PRKN: variants seen among roughly 807,000 people sequenced by gnomAD.
PRKN encodes the protein E3 ubiquitin-protein ligase parkin.
PRKN carries 56 observed loss-of-function variants against 59.5 expected under a neutral mutation model. The observed-to-expected ratio is 0.94, with a 90% confidence interval of 0.76 to 1.18. The LOEUF (loss-of-function observed/expected upper bound fraction) is 1.18, where lower values mean the gene tolerates loss of function less well. Ranked by LOEUF, PRKN falls within the 50% of genes most tolerant of loss-of-function variation. The probability of loss-of-function intolerance (pLI) is 0.00; values close to 1 mark genes in which losing one functional copy is unlikely to be tolerated. For missense variants in PRKN, 657 were observed against 596.4 expected (o/e 1.10, Z -1.06); for synonymous variants, 250 against 222.1 (o/e 1.13, Z -1.12).
intron 2 of PRKN, among the ~76,000 whole-genome samples, chr6:162,353,957 T>C (rs781229197): frequency 3.9e-5 from 6 of 152,190 alleles, no homozygotes; most frequent in South Asian, 2.1e-4. Context: ...CAATTCTCCA[T>C]AGCTTTTATG....
intron 9 of PRKN, among the ~76,000 whole-genome samples, chr6:161,425,510 G>A (rs938748786): frequency 1.3e-5 from 2 of 149,270 alleles, no homozygotes; most frequent in South Asian, 2.1e-4. Flanking sequence ...TCCGTGGTCC[G>A]ATTGGTGTCC....
intron 1 of PRKN, among the ~76,000 whole-genome samples, chr6:162,601,101 C>T (rs1781689946): frequency 1.3e-5 from 2 of 152,274 alleles, no homozygotes; most frequent in South Asian, 4.2e-4. Flanking sequence ...GCAACGGCAC[C>T]TGGTGAGGGC....
At position 161,409,597 on chromosome 6, in the gene PRKN, C is replaced by G. The variant is rs759692207; in HGVS notation, c.1084-22720G>C. On this transcript the variant is annotated intron_variant, in intron 9 of 11. Transcript: ENST00000366898. This position sits in a 1 kb window ranked among gnomAD's most constrained non-coding sequence, Gnocchi z 4.6. ...AGATTGCCAGAATGTTCAGTGGAAT[C>G]ACATAAGGCCGTCACTATAAAAATG... Among the ~76,000 whole-genome samples, 1 of 152,154 alleles carries G rather than the reference C, an allele frequency of 6.6e-6. No homozygotes were observed. The highest frequency in any genetic ancestry group is 1.5e-5 in the Non-Finnish European group (1 of 68,032).
intron 7 of PRKN, among the ~76,000 whole-genome samples, chr6:161,764,837 T>A (rs928007798): frequency 6.6e-6 from 1 of 152,172 alleles, no homozygotes; most frequent in South Asian, 2.1e-4. Flanking sequence ...TCTAGAATAG[T>A]ATGCCAAGCA....
rs1227596186 is a variant in PRKN at position 161,353,549 on chromosome 6, C to T, written c.1286-3338G>A. Among the ~76,000 whole-genome samples, 1 of 152,174 alleles carries T rather than the reference C, an allele frequency of 6.6e-6. No homozygotes were observed. ...TGAACACATGGAGGTTTCTGATGGG[C>T]GGAGCACCCAGGGAAGGCTTGGAAG... is the stretch of plus-strand genomic sequence containing the variant. On this transcript the variant is annotated intron_variant, in intron 11 of 11. Coordinates refer to ENST00000366898, the MANE Select transcript of PRKN (RefSeq NM_004562.3). The surrounding 1 kb of genome is among the most constrained non-coding windows in gnomAD (Gnocchi z 4.8).
intron 1 of PRKN, among the ~76,000 whole-genome samples, chr6:162,636,904 G>A (rs1777734744): frequency 6.6e-6 from 1 of 151,712 alleles, no homozygotes; most frequent in Admixed American, 6.6e-5. Context: ...AGGCTGCAGT[G>A]AGCCATGACA....
At chr6:162,669,123 C>T (rs1433469617) in intron 1 of PRKN, among the ~76,000 whole-genome samples, 1 of 151,980 alleles carries the variant, frequency 6.6e-6, no homozygotes, top group African/African-American at 2.4e-5. Flanking sequence ...TTTTATTATA[C>T]CATCTACTAT....
chr6:162,311,820 T>G (rs1562661046), intron 2 of PRKN, among the ~76,000 whole-genome samples: 1 of 152,046 alleles, frequency 6.6e-6, no homozygotes, highest in Non-Finnish European at 1.5e-5. Context: ...CTCCATTTAT[T>G]TTCTATTCTT....
At chr6:162,389,373 T>C (rs899027833) in intron 2 of PRKN, among the ~76,000 whole-genome samples, 20 of 152,146 alleles carry the variant, frequency 1.3e-4, no homozygotes, top group Admixed American at 1.2e-3. Context: ...AATCAGTAAT[T>C]CTTCATCTAG....
At chr6:162,058,864 A>C (rs1287511725) in intron 4 of PRKN, among the ~76,000 whole-genome samples, 2 of 151,806 alleles carry the variant, frequency 1.3e-5, no homozygotes, top group Non-Finnish European at 2.9e-5. Flanking sequence ...AGGGAGGAGA[A>C]TCGCTTGAGC....
At chr6:162,383,897 G>A (rs184126493) in intron 2 of PRKN, among the ~76,000 whole-genome samples, 10 of 152,270 alleles carry the variant, frequency 6.6e-5, no homozygotes, top group Admixed American at 5.2e-4. Context: ...AGTGGAGATG[G>A]CTTCTCTCCT....
At chr6:162,724,067 A>T (rs1041209415) in intron 1 of PRKN, among the ~76,000 whole-genome samples, 8 of 152,250 alleles carry the variant, frequency 5.3e-5, no homozygotes, top group Non-Finnish European at 7.3e-5. Context: ...TCAAATACCT[A>T]AATCCAGTTC....
At chr6:161,946,414 A>ACACACACACACACACTCTCTCTCT (rs1247187053) in intron 6 of PRKN, among the ~76,000 whole-genome samples, 1 of 114,376 alleles carries the variant, frequency 8.7e-6, no homozygotes, top group East Asian at 2.7e-4. Context: ...ACACACACAC[A>ACACACACACACACACTCTCTCTCT]CTCTCTCTCT....
chr6:161,643,348 T>C (rs1395654534), intron 7 of PRKN, among the ~76,000 whole-genome samples: 1 of 152,160 alleles, frequency 6.6e-6, no homozygotes, highest in Admixed American at 6.5e-5. Flanking sequence ...TCTCAAATAT[T>C]TAGCATGCTA....
At chr6:162,631,948 C>T (rs1285484841) in intron 1 of PRKN, among the ~76,000 whole-genome samples, 1 of 149,484 alleles carries the variant, frequency 6.7e-6, no homozygotes, top group South Asian at 2.1e-4. Flanking sequence ...CAATAAGATA[C>T]CATCTTATAC....
chr6:161,967,792 T>C (rs928228559), intron 6 of PRKN, among the ~76,000 whole-genome samples: 4 of 152,270 alleles, frequency 2.6e-5, no homozygotes, highest in African/African-American at 7.2e-5. Flanking sequence ...ATTTATGCAT[T>C]TTCCTTAAAA....
At chr6:162,476,451 T>A (rs1385736727) in intron 1 of PRKN, among the ~76,000 whole-genome samples, 1 of 152,166 alleles carries the variant, frequency 6.6e-6, no homozygotes, top group Non-Finnish European at 1.5e-5. Flanking sequence ...TGGTAAACAG[T>A]CATGCTGCAG....
At chr6:162,135,226 C>G (rs1050692584) in intron 4 of PRKN, among the ~76,000 whole-genome samples, 5 of 152,056 alleles carry the variant, frequency 3.3e-5, no homozygotes, top group African/African-American at 9.7e-5. Flanking sequence ...AGTCTCTAAC[C>G]CCTAGGCTCA....
At chr6:162,148,858 A>G (rs9347592) in intron 4 of PRKN, among the ~76,000 whole-genome samples, 64,359 of 151,956 alleles carry the variant, frequency 0.42, 16,049 homozygotes, top group Non-Finnish European at 0.56. Flanking sequence ...GTTATAATAA[A>G]GCCTCCTTTT....
Sources: allele counts gnomAD v4.1 joint callset (sites outside exome capture counted in the v4.1 genomes callset), GRCh38; gene constraint gnomAD v4.1.1; non-coding constraint Gnocchi (gnomAD v3.1); transcripts MANE v1.5; gene names NCBI Gene and HGNC (gene_info 2026-07-23, HGNC 2026-07-21).